ADARB2: variants seen among roughly 807,000 people sequenced by gnomAD.
ADARB2 encodes inactive double-stranded RNA-specific editase B2.
Under a neutral mutation model 62.2 loss-of-function variants are expected in ADARB2, and 25 were observed. That is an observed-to-expected ratio of 0.40 (90% confidence interval 0.29 to 0.56). ADARB2 has a LOEUF of 0.56. Among genes scored for constraint, ADARB2 ranks in the 20% least tolerant of loss-of-function variants. The pLI is 0.43. For synonymous variants in ADARB2, 572 were observed against 500.8 expected (o/e 1.14, Z -1.90); for missense variants, 1,071 against 1,077.4 (o/e 0.99, Z 0.08).
In ADARB2 at chr10:1,453,508, T is replaced by C. The variant is rs538556463; in HGVS notation, c.101-74348A>G. Among the ~76,000 whole-genome samples, 9 of 152,334 alleles carry C rather than the reference T, an allele frequency of 5.9e-5. No homozygotes were observed. In the South Asian group the frequency reaches 8.3e-4, roughly 14 times the overall value. The stretch of plus-strand genomic sequence containing the variant: ...ATCCAGGTTTCTTAGCACTGTTTCT[T>C]GAGAACACTGTCCTCTCTCCACTGA... On this transcript the variant is annotated intron_variant, in intron 1 of 9. Transcript: ENST00000381312.
At chr10:1,437,788 A>T (rs1042983885) in intron 1 of ADARB2, among the ~76,000 whole-genome samples, 1 of 152,192 alleles carries the variant, frequency 6.6e-6, no homozygotes, top group Admixed American at 6.5e-5. Context: ...GGAGGTGAAA[A>T]GTGACACGGA....
intron 1 of ADARB2, among the ~76,000 whole-genome samples, chr10:1,465,329 C>T (rs577879619): frequency 5.9e-5 from 9 of 152,166 alleles, no homozygotes; most frequent in Non-Finnish European, 8.8e-5. Context: ...AACCCAGCAC[C>T]GTGCACCAAA....
chr10:1,375,843 C>T (rs1294951974), intron 2 of ADARB2, among the ~76,000 whole-genome samples: 2 of 151,080 alleles, frequency 1.3e-5, no homozygotes, highest in East Asian at 3.9e-4. Flanking sequence ...ACACACCGCA[C>T]ACATGCACAC....
chr10:1,186,480 C>G (rs566179295), intron 8 of ADARB2: 1 of 518,888 alleles, frequency 1.9e-6, no homozygotes. Context: ...TCCCACCTCC[C>G]GCGGCACCTG....
At chr10:1,309,979 C>CCAGTTT (rs1831673840) in intron 3 of ADARB2, among the ~76,000 whole-genome samples, 3 of 152,250 alleles carry the variant, frequency 2.0e-5, no homozygotes, top group Non-Finnish European at 4.4e-5. Flanking sequence ...CCCTGAGATT[C>CCAGTTT]CAGTTTCATT....
At chr10:1,360,306 C>T (rs966987441) in intron 3 of ADARB2, among the ~76,000 whole-genome samples, 2 of 152,230 alleles carry the variant, frequency 1.3e-5, no homozygotes, top group African/African-American at 2.4e-5. Flanking sequence ...CCCAGGAAAA[C>T]GCATGGCTTG....
At chr10:1,196,871 G>T (rs1326928018) in intron 8 of ADARB2, among the ~76,000 whole-genome samples, 1 of 152,092 alleles carries the variant, frequency 6.6e-6, no homozygotes, top group Non-Finnish European at 1.5e-5. Context: ...CAAAGTGCTC[G>T]GATTACAGGC....
At chr10:1,558,659 A>AGCCCCC (rs1832744524) in intron 1 of ADARB2, among the ~76,000 whole-genome samples, 3 of 127,830 alleles carry the variant, frequency 2.3e-5, no homozygotes, top group Non-Finnish European at 3.3e-5. Context: ...GTGGGTGCTC[A>AGCCCCC]GCACCCCCAT....
At chr10:1,533,582 C>T (rs560338957) in intron 1 of ADARB2, among the ~76,000 whole-genome samples, 1 of 152,312 alleles carries the variant, frequency 6.6e-6, no homozygotes, top group Admixed American at 6.5e-5. Flanking sequence ...CTCTGCGATG[C>T]CTCCCAAGGG....
intron 1 of ADARB2, among the ~76,000 whole-genome samples, chr10:1,538,139 A>G (rs1366681729): frequency 6.6e-6 from 1 of 152,166 alleles, no homozygotes; most frequent in African/African-American, 2.4e-5. Flanking sequence ...GGATGTACTG[A>G]GCACCTGCCT....
intron 1 of ADARB2, among the ~76,000 whole-genome samples, chr10:1,621,794 A>C (rs1833706301): frequency 6.6e-6 from 1 of 152,244 alleles, no homozygotes; most frequent in South Asian, 2.1e-4. Flanking sequence ...AATTCATCCC[A>C]AATTATCCAT....
In ADARB2 at chr10:1,313,614, T is replaced by A. The variant is rs939034322; in HGVS notation, c.1078-42545A>T. Among the ~76,000 whole-genome samples the A allele has an allele frequency of 1.4e-4, 20 of 145,394 alleles. No homozygotes were observed. The East Asian group carries it at 3.5e-3, about 25-fold the overall frequency. On this transcript the variant is annotated intron_variant, in intron 3 of 9. Transcript: ENST00000381312. ...CCTGGGATAACAGGGGAAACACAACTAAAACAGGGCACAGGGTTACCTCTG... is the reference window on the plus strand; with the variant it reads ...CCTGGGATAACAGGGGAAACACAACAAAAACAGGGCACAGGGTTACCTCTG...
chr10:1,424,926 T>C (rs17221701), intron 1 of ADARB2, among the ~76,000 whole-genome samples: 3,600 of 152,208 alleles, frequency 0.024, 74 homozygotes, highest in Non-Finnish European at 0.037. Context: ...GTAACATCAA[T>C]TGTGATTTTT....
At chr10:1,412,082 A>C (rs1832764403) in intron 1 of ADARB2, among the ~76,000 whole-genome samples, 1 of 152,162 alleles carries the variant, frequency 6.6e-6, no homozygotes, top group African/African-American at 2.4e-5. Context: ...AGAAATTCTC[A>C]GACTTCAGGG....
At chr10:1,242,363 T>C in intron 4 of ADARB2, 64 bp from the exon 5 acceptor site, 1 of 1,479,792 alleles carries the variant, frequency 6.8e-7, no homozygotes, top group Non-Finnish European at 9.0e-7. Context: ...CTCCTCGGTC[T>C]TTTCAGGGTC....
chr10:1,559,525 T>G (rs532622549), intron 1 of ADARB2, among the ~76,000 whole-genome samples: 2 of 151,962 alleles, frequency 1.3e-5, no homozygotes, highest in Non-Finnish European at 2.9e-5. Flanking sequence ...CCTCTGGAGA[T>G]GTGGCACTTA....
rs199585432 is a variant in ADARB2 at position 1,426,779 on chromosome 10, C to T, written c.101-47619G>A. The stretch of plus-strand genomic sequence containing the variant: ...CACTTTGCCCCTGGTTGACTCCTGA[C>T]GGCGCTTACTCCACCACTGCATCCC... On this transcript the variant is annotated intron_variant, in intron 1 of 9. Coordinates refer to ENST00000381312, the MANE Select transcript of ADARB2 (RefSeq NM_018702.4). The surrounding 1 kb of genome is among the most constrained non-coding windows in gnomAD (Gnocchi z 4.1). 1.5e-4 allele frequency among the ~76,000 whole-genome samples: 23 copies of T among 152,322 alleles called. No individual in the cohort carries two copies. The East Asian group carries it at 1.5e-3, about 10-fold the overall frequency.
At chr10:1,516,169 C>T (rs894094093) in intron 1 of ADARB2, among the ~76,000 whole-genome samples, 9 of 152,202 alleles carry the variant, frequency 5.9e-5, no homozygotes, top group African/African-American at 2.2e-4. Context: ...AGGCTCAAGG[C>T]CGGCCTCATT....
intron 4 of ADARB2, among the ~76,000 whole-genome samples, chr10:1,258,514 A>G (rs1245100237): frequency 6.6e-6 from 1 of 152,218 alleles, no homozygotes; most frequent in East Asian, 1.9e-4. Flanking sequence ...TCTCTAATAA[A>G]ACAGTCTTTA....
Sources: allele counts gnomAD v4.1 joint callset (sites outside exome capture counted in the v4.1 genomes callset), GRCh38; gene constraint gnomAD v4.1.1; non-coding constraint Gnocchi (gnomAD v3.1); transcripts MANE v1.5; gene names NCBI Gene and HGNC (gene_info 2026-07-23, HGNC 2026-07-21).